Variants in XYLT1 observed in about 807,000 individuals in gnomAD.
XYLT1 encodes the protein beta-D-xylosyltransferase 1.
A neutral mutation model predicts 91.3 loss-of-function variants in XYLT1; 36 were observed. The ratio of observed to expected loss-of-function variants is 0.39; its 90% CI spans 0.30 to 0.52. The LOEUF (loss-of-function observed/expected upper bound fraction) is 0.52. XYLT1 is among the 20% of genes least tolerant of loss of function. XYLT1 has a pLI of 0.68. For missense variants in XYLT1, 1,242 were observed against 1,284.5 expected (o/e 0.97, Z 0.51); for synonymous variants, 588 against 532.0 (o/e 1.11, Z -1.45).
At chr16:17,267,906 A>AAT (rs765484519) in intron 2 of XYLT1, among the ~76,000 whole-genome samples, 2,700 of 97,852 alleles carry the variant, frequency 0.028, 101 homozygotes, top group Admixed American at 0.15. Context: ...ATGAATTTAA[A>AAT]ACACTTAATA....
intron 6 of XYLT1, among the ~76,000 whole-genome samples, chr16:17,148,582 G>T (rs182932471): frequency 2.0e-5 from 3 of 152,278 alleles, no homozygotes; most frequent in Non-Finnish European, 1.5e-5. Flanking sequence ...ACAGACTTTC[G>T]TTAACTAGGT....
chr16:17,147,930 C>T (rs1208409245), intron 6 of XYLT1, among the ~76,000 whole-genome samples: 1 of 152,130 alleles, frequency 6.6e-6, no homozygotes, highest in Non-Finnish European at 1.5e-5. Flanking sequence ...GCCCCATATA[C>T]AAAAGGTGAC....
At chr16:17,153,390 A>G (rs1425914950) in intron 6 of XYLT1, among the ~76,000 whole-genome samples, 2 of 152,178 alleles carry the variant, frequency 1.3e-5, no homozygotes, top group East Asian at 3.9e-4. Flanking sequence ...TGCTTTATGT[A>G]GCATCCTATA....
At position 17,158,911 on chromosome 16, in the gene XYLT1, T is replaced by C; in HGVS notation, c.1290-2A>G. 1 of 1,614,128 alleles carries C rather than the reference T, an allele frequency of 6.2e-7. No individual in the cohort carries two copies. Among genetic ancestry groups the C allele is most frequent in the East Asian group, 2.2e-5 (1 of 44,876 alleles). On this transcript the variant is annotated splice_acceptor_variant, in intron 5 of 11. Coordinates refer to ENST00000261381, the MANE Select transcript of XYLT1 (RefSeq NM_022166.4). LOFTEE classifies it high-confidence loss of function. ...AACGCCACCAACTGGTCATTTGTCC[T>C]GTGGAAACAAACCAAGGGGAGAGTC...
At chr16:17,215,472 G>A (rs777992004) in intron 3 of XYLT1, among the ~76,000 whole-genome samples, 8 of 152,144 alleles carry the variant, frequency 5.3e-5, no homozygotes, top group African/African-American at 1.9e-4. Flanking sequence ...GTGAGAAGTC[G>A]GCCATCTGCA....
chr16:17,179,202 A>G (rs1339835204), intron 5 of XYLT1, among the ~76,000 whole-genome samples: 2 of 152,188 alleles, frequency 1.3e-5, no homozygotes, highest in African/African-American at 4.8e-5. Context: ...ACACGGAAAC[A>G]AAGAAGGGAA....
chr16:17,245,246 A>G (rs2033418251), intron 3 of XYLT1, among the ~76,000 whole-genome samples: 1 of 152,172 alleles, frequency 6.6e-6, no homozygotes, highest in Non-Finnish European at 1.5e-5. Context: ...GCAAGTTCTT[A>G]AAAATCGTGA....
At chr16:17,138,128 GGTCATTTGTTGTTTTTGGGTTAA>G in intron 8 of XYLT1, 1 of 481,972 alleles carries the variant, frequency 2.1e-6, no homozygotes, top group Non-Finnish European at 3.6e-6. Context: ...AATAATGAAA[GGTCATTTGTTGTTTTTGGGTTAA>G]TGAGTCAATG....
chr16:17,332,486 C>T (rs575740837), intron 2 of XYLT1, among the ~76,000 whole-genome samples: 2 of 151,966 alleles, frequency 1.3e-5, no homozygotes, highest in East Asian at 1.9e-4. Flanking sequence ...CACTTGGACC[C>T]GGGAAGCGGA....
chr16:17,330,511 G>A (rs1009779767), intron 2 of XYLT1, among the ~76,000 whole-genome samples: 2 of 152,098 alleles, frequency 1.3e-5, no homozygotes, highest in Admixed American at 6.5e-5. Context: ...GCTGGGCCAG[G>A]CATGGTGGCT....
At chr16:17,279,687 A>G (rs1596463150) in intron 2 of XYLT1, among the ~76,000 whole-genome samples, 1 of 152,180 alleles carries the variant, frequency 6.6e-6, no homozygotes, top group Non-Finnish European at 1.5e-5. Context: ...GGCTTCATCC[A>G]TCTCTGGGTC....
intron 1 of XYLT1, among the ~76,000 whole-genome samples, chr16:17,438,458 A>T (rs1488935229): frequency 2.0e-5 from 3 of 152,130 alleles, no homozygotes; most frequent in African/African-American, 7.2e-5. Context: ...GCCAGATTAA[A>T]CATACGCTAC....
chr16:17,284,017 A>C (rs2034097065), intron 2 of XYLT1, among the ~76,000 whole-genome samples: 1 of 152,208 alleles, frequency 6.6e-6, no homozygotes, highest in African/African-American at 2.4e-5. Context: ...GTTCCAGCTC[A>C]ACATAGAGCA....
At chr16:17,468,784 CCCAGGCTTCCCCCA>C (rs1408330832) in intron 1 of XYLT1, among the ~76,000 whole-genome samples, 1 of 152,044 alleles carries the variant, frequency 6.6e-6, no homozygotes, top group Non-Finnish European at 1.5e-5. Flanking sequence ...TACAGTAAGC[CCCAGGCTTCCCCCA>C]CCATGTCTCC....
chr16:17,463,746 A>G (rs1450559078), intron 1 of XYLT1, among the ~76,000 whole-genome samples: 1 of 152,230 alleles, frequency 6.6e-6, no homozygotes, highest in African/African-American at 2.4e-5. Flanking sequence ...TTAATTATCC[A>G]AAGGAAAGGA....
At chr16:17,329,276 C>T (rs965494617) in intron 2 of XYLT1, among the ~76,000 whole-genome samples, 1 of 152,186 alleles carries the variant, frequency 6.6e-6, no homozygotes, top group African/African-American at 2.4e-5. Context: ...CTGGACAGGG[C>T]AGGATCTGGA....
intron 1 of XYLT1, among the ~76,000 whole-genome samples, chr16:17,365,202 C>T (rs1039235881): frequency 6.6e-6 from 1 of 152,192 alleles, no homozygotes; most frequent in East Asian, 1.9e-4. Flanking sequence ...CTACCACCCT[C>T]CACTTTCCAG....
intron 1 of XYLT1, among the ~76,000 whole-genome samples, chr16:17,372,147 C>A (rs1386002553): frequency 6.6e-6 from 1 of 152,202 alleles, no homozygotes; most frequent in Non-Finnish European, 1.5e-5. Flanking sequence ...AAACATGCAG[C>A]ATCCCATCTC....
chr16:17,188,291 G>C (rs1166836797), intron 5 of XYLT1, among the ~76,000 whole-genome samples: 2 of 152,092 alleles, frequency 1.3e-5, no homozygotes, highest in Non-Finnish European at 2.9e-5. Flanking sequence ...GGCAAATATT[G>C]TCACTCTCCC....
Sources: allele counts gnomAD v4.1 joint callset (sites outside exome capture counted in the v4.1 genomes callset), GRCh38; gene constraint gnomAD v4.1.1; transcripts MANE v1.5; gene names NCBI Gene and HGNC (gene_info 2026-07-23, HGNC 2026-07-21).